The following ZNF785 variants were observed in gnomAD, a reference collection of about 807,000 sequenced individuals.
The protein encoded by ZNF785 is zinc finger protein 785.
ZNF785 carries 15 observed loss-of-function variants against 11.3 expected under a neutral mutation model. The observed-to-expected ratio is 1.32, with a 90% CI of 0.89 to 2.04. ZNF785 has a LOEUF of 2.04. Among genes scored for constraint, ZNF785 ranks in the 30% most tolerant of loss-of-function variants. The pLI, the probability that ZNF785 is intolerant of heterozygous loss-of-function variation, is 0.00. For synonymous variants in ZNF785, 221 were observed against 231.0 expected, an observed-to-expected ratio of 0.96 and a Z score of 0.39; for missense variants, 572 against 560.9, an observed-to-expected ratio of 1.02 and a Z score of -0.20.
Position 30,582,352 on chromosome 16 carries a change from G to T in ZNF785, c.*208C>A. ...GGGACGTGAACACGGGGCCCTGTGT[G>T]CTGGAGCTTCAGAAAATGGGGTCAA... On this transcript the variant is annotated 3_prime_UTR_variant, in exon 3 of 3. Coordinates refer to ENST00000395216, the MANE Select transcript of ZNF785 (RefSeq NM_152458.7). 1 of 661,652 alleles carries T rather than the reference G, an allele frequency of 1.5e-6. No homozygotes were observed. The highest frequency in any genetic ancestry group is 2.5e-6 in the Non-Finnish European group (1 of 396,060). 41.0% of individuals were successfully genotyped at this position (661,652 alleles called of 1,614,324 possible). A position where few individuals can be genotyped will look rare whatever the true frequency, so the allele number is the denominator to read the frequency against.
downstream of ZNF785, chr16:30,579,466 CAA>C (rs1164251629): frequency 1.5e-5 from 3 of 198,192 alleles, no homozygotes; most frequent in Admixed American, 1.1e-4. Context: ...CAGCTTACTG[CAA>C]CCTCTGTCTC....
In ZNF785 at chr16:30,583,008, G is replaced by T. The variant is rs1407515380; in HGVS notation, c.770C>A (p.Ala257Glu). The T allele has an allele frequency of 3.1e-6, 5 of 1,614,086 alleles. No individual in the cohort carries two copies. In the Middle Eastern group the frequency reaches 5.0e-4, roughly 160 times the overall value. The change falls in exon 3 of 3, where the codon GCG becomes GAG. Residue 257 changes from alanine (A) to glutamate (E), a missense_variant. Physicochemically the swap from Ala to Glu is moderately radical, Grantham distance 107. Coordinates refer to ENST00000395216, the MANE Select transcript of ZNF785 (RefSeq NM_152458.7). The part of the protein sequence containing the change: ...RRAHTGEKPY[A>E]CSDCKSRFTY... ...GAAGCGACTCTTGCAGTCTGAGCACGCGTAAGGCTTCTCCCCGGTGTGAGC... is the reference window on the plus strand; with the variant it reads ...GAAGCGACTCTTGCAGTCTGAGCACTCGTAAGGCTTCTCCCCGGTGTGAGC...
At position 30,583,085 on chromosome 16, in the gene ZNF785, G is replaced by C. The variant is rs1473121853; in HGVS notation, c.693C>G (p.Pro231=). 1 of 1,609,184 alleles carries C rather than the reference G, an allele frequency of 6.2e-7. No homozygotes were observed. Among genetic ancestry groups the C allele is most frequent in the Non-Finnish European group, 8.5e-7 (1 of 1,178,596 alleles). ...IHTGEKPYPC[P]DCGRRFRQRG... is the part of the protein sequence containing the mutation. ...TCTGGCGGAAGCGGCGCCCGCAGTC[G>C]GGGCAGGGGTAGGGCTTCTCGCCGG... is the stretch of plus-strand genomic sequence containing the variant. Residue 231 remains proline (P), a synonymous_variant, in exon 3 of 3, where the codon CCC becomes CCG. Coordinates refer to ENST00000395216, the MANE Select transcript of ZNF785 (RefSeq NM_152458.7).
chr16:30,579,304 G>A (rs917204895), downstream of ZNF785: 3 of 154,362 alleles, frequency 1.9e-5, no homozygotes, highest in African/African-American at 7.2e-5. Flanking sequence ...AGCCAGTGGG[G>A]ACTGAGCCAA....
In ZNF785 at chr16:30,585,393, G is replaced by A. The variant is rs1363202785; in HGVS notation, c.205+14C>T. 8.9e-6 allele frequency: 14 copies of A among 1,579,372 alleles called. No individual in the cohort carries two copies. In the African/African-American group the frequency reaches 1.7e-4, roughly 20 times the overall value. On this transcript the variant is annotated intron_variant, in intron 1 of 2. Coordinates refer to ENST00000395216, the MANE Select transcript of ZNF785 (RefSeq NM_152458.7). The surrounding 1 kb of genome is among the most constrained non-coding windows in gnomAD (Gnocchi z 4.0). The stretch of plus-strand genomic sequence containing the variant: ...CGACGGACTGGGGGTCCCGGCCGGA[G>A]GGCCCGGCCTCACCCAGCGCGCCCA...
At position 30,582,773 on chromosome 16, in the gene ZNF785, G is replaced by A. The variant is rs2051831683; in HGVS notation, c.1005C>T (p.Ser335=). The change falls in exon 3 of 3, where the codon TCC becomes TCT. Residue 335 remains serine, a synonymous_variant. Coordinates refer to ENST00000395216, the MANE Select transcript of ZNF785 (RefSeq NM_152458.7). ...CCACGCAGGGGAAGGGCCGGCTGTC[G>A]GAGTGAATGCGCCGGTGACTGAGGA... The part of the protein sequence containing the change: ...SLLLSHRRIH[S]DSRPFPCVEC... 1.2e-6 allele frequency: 2 copies of A among 1,607,242 alleles called. No individual in the cohort carries two copies. Among genetic ancestry groups the A allele is most frequent in the Non-Finnish European group, 1.7e-6 (2 of 1,175,440 alleles).
downstream of ZNF785, chr16:30,579,838 G>A (rs955462517): frequency 8.8e-6 from 4 of 455,846 alleles, no homozygotes; most frequent in African/African-American, 4.0e-5. Flanking sequence ...CAAAAGTAGG[G>A]CTAGCAGATC....
rs529868613 is a variant in ZNF785, at chr16:30,581,606, G to A, written c.*954C>T. 6.6e-6 allele frequency: 1 copy of A among 152,270 alleles called. No individual in the cohort carries two copies. Among genetic ancestry groups the A allele is most frequent in the South Asian group, 2.1e-4 (1 of 4,832 alleles). 9.4% of individuals were successfully genotyped at this position (152,270 alleles called of 1,614,324 possible). A position where few individuals can be genotyped will look rare whatever the true frequency, so the allele number is the denominator to read the frequency against. On this transcript the variant is annotated 3_prime_UTR_variant, in exon 3 of 3. Coordinates refer to ENST00000395216, the MANE Select transcript of ZNF785 (RefSeq NM_152458.7). ...AACACTGCAATCACTAATGCATACA[G>A]TGAAGAGTTGGCCCAGTTCCAGAGT...
chr16:30,582,167 G>A lies in ZNF785; in HGVS notation c.*393C>T, dbSNP rs572852053. ...GCCTGAGGTATCCCCTCTATTCTGG[G>A]GGGTCCAGAGTGGGTGCAGGCTCCT... On this transcript the variant is annotated 3_prime_UTR_variant, in exon 3 of 3. Coordinates refer to ENST00000395216, the MANE Select transcript of ZNF785 (RefSeq NM_152458.7). 3.5e-5 allele frequency: 7 copies of A among 198,098 alleles called. No individual in the cohort carries two copies. The allele number at this position is 198,098 out of a possible 1,614,324, so 12.3% of individuals were successfully genotyped here.
In ZNF785 at chr16:30,581,311, T is replaced by C. The variant is rs2051805621; in HGVS notation, c.*1249A>G. On this transcript the variant is annotated 3_prime_UTR_variant, in exon 3 of 3. Coordinates refer to ENST00000395216, the MANE Select transcript of ZNF785 (RefSeq NM_152458.7). ...CCGTCTCTACTAAAAATACAAAATA[T>C]TAGTTGGGCGTGGTGGCGGGTGCTT... 6.6e-6 allele frequency: 1 copy of C among 151,696 alleles called. No homozygotes were observed. Among genetic ancestry groups the C allele is most frequent in the Non-Finnish European group, 1.5e-5 (1 of 67,976 alleles). The allele number at this position is 151,696 out of a possible 1,614,324, so 9.4% of individuals were successfully genotyped here.
downstream of ZNF785, chr16:30,580,521 AT>A: frequency 6.6e-6 from 1 of 151,736 alleles, no homozygotes; most frequent in Non-Finnish European, 1.5e-5. Context: ...CTCCTGGCTA[AT>A]TTTTTTGTAT....
chr16:30,580,415 C>G (rs1392607379), downstream of ZNF785, among the ~76,000 whole-genome samples: 1 of 146,724 alleles, frequency 6.8e-6, no homozygotes, highest in African/African-American at 2.5e-5. Flanking sequence ...AGTGCAGTGG[C>G]GCAGTCTCGG....
At chr16:30,578,878 GCCATC>G (rs1221238340), downstream of ZNF785, 2 of 146,292 alleles carry the variant, frequency 1.4e-5, no homozygotes, top group African/African-American at 5.1e-5. Context: ...CTGAAGTGGC[GCCATC>G]ATAGCTCACT....
chr16:30,583,300 G>A lies in ZNF785; in HGVS notation c.478C>T (p.Pro160Ser). 6.2e-7 allele frequency: 1 copy of A among 1,614,010 alleles called. No homozygotes were observed. Among genetic ancestry groups the A allele is most frequent in the Non-Finnish European group, 8.5e-7 (1 of 1,179,906 alleles). The stretch of plus-strand genomic sequence containing the variant: ...CGGGTCAGAGTGTCCTTGAGCCAGG[G>A]ATTCATGGGGCTCTGCCTAGGGTTG... ...FCNPRQSPMN[P>S]WLKDTLTRRL... is the part of the protein sequence containing the mutation. Residue 160 changes from proline to serine, a missense_variant, in exon 3 of 3, where the codon CCC (proline) becomes TCC (serine). Transcript: ENST00000395216.
In ZNF785 at chr16:30,585,182, C is replaced by T. The variant is rs537260758; in HGVS notation, c.274G>A (p.Ala92Thr). ...EGEVEAWSPE[A>T]QDPDGESSAA... ...GAGCTCTCACCGTCGGGATCCTGGG[C>T]CTCCGGGCTCCACGCCTCCACTTCT... The change falls in exon 2 of 3, where the codon GCC (alanine) becomes ACC (threonine). Residue 92 changes from alanine to threonine, a missense_variant. Transcript: ENST00000395216. This position sits in a 1 kb window ranked among gnomAD's most constrained non-coding sequence, Gnocchi z 4.0. 6.2e-7 allele frequency: 1 copy of T among 1,614,144 alleles called. No homozygotes were observed. Among genetic ancestry groups the T allele is most frequent in the East Asian group, 2.2e-5 (1 of 44,884 alleles).
Position 30,585,139 on chromosome 16 carries a change from C to A in ZNF785, c.317G>T (p.Gly106Val), listed in dbSNP as rs371771701. Residue 106 changes from glycine to valine, a missense_variant, in exon 2 of 3, where the codon GGC (glycine) becomes GTC (valine). By Grantham distance (109) the Gly-to-Val change is moderately radical. Transcript: ENST00000395216. The surrounding 1 kb of genome is among the most constrained non-coding windows in gnomAD (Gnocchi z 4.0). Reference protein sequence around the residue: ...DGESSAAFSRGQGQEAGSRDG... With the variant: ...DGESSAAFSRVQGQEAGSRDG... ...TGAAGTACCTGCTTCCTGTCCTTGGCCCCTGCTGAAAGCTGCAGAGCTCTC... is the reference window on the plus strand; with the variant it reads ...TGAAGTACCTGCTTCCTGTCCTTGGACCCTGCTGAAAGCTGCAGAGCTCTC... 9.3e-6 allele frequency: 15 copies of A among 1,612,618 alleles called. No individual in the cohort carries two copies. Among genetic ancestry groups the A allele is most frequent in the South Asian group, 3.3e-5 (3 of 90,966 alleles).
At position 30,585,266 on chromosome 16, in the gene ZNF785, A is replaced by G; in HGVS notation, c.206-16T>C. 1.9e-6 allele frequency: 3 copies of G among 1,613,298 alleles called. No homozygotes were observed. Among genetic ancestry groups the G allele is most frequent in the Non-Finnish European group, 2.5e-6 (3 of 1,179,708 alleles). ...ACTGAAAATCCTGCGAAGGAGAAAC[A>G]ATGGGCTCGGCTGAGCGCACGGGAG... On this transcript the variant is annotated splice_polypyrimidine_tract_variant and intron_variant, in intron 1 of 2. Transcript: ENST00000395216. This position sits in a 1 kb window ranked among gnomAD's most constrained non-coding sequence, Gnocchi z 4.0.
In ZNF785 at chr16:30,583,424, C is replaced by T; in HGVS notation, c.354G>A (p.Glu118=). 1 of 1,552,944 alleles carries T rather than the reference C, an allele frequency of 6.4e-7. No individual in the cohort carries two copies. The highest frequency in any genetic ancestry group is 8.7e-7 in the Non-Finnish European group (1 of 1,148,394). The change falls in exon 3 of 3, where the codon GAG becomes GAA. Residue 118 remains glutamate (E), a synonymous_variant. Coordinates refer to ENST00000395216, the MANE Select transcript of ZNF785 (RefSeq NM_152458.7). ...GQEAGSRDGN[E]EKERLKKCPK... ...GACACTTCTTCAGCCTTTCCTTCTC[C>T]TCATTCCCATCCCTGGATCCTGAAA...
chr16:30,580,728 T>G lies in ZNF785; in HGVS notation c.*1832A>C, dbSNP rs1235315868. On this transcript the variant is annotated 3_prime_UTR_variant, in exon 3 of 3. Transcript: ENST00000395216. ...TATTGGCCAGGCTGGTCTTGAACTCTTGACCTTAAGTGATCCACCCTCCTC... is the reference window on the plus strand; with the variant it reads ...TATTGGCCAGGCTGGTCTTGAACTCGTGACCTTAAGTGATCCACCCTCCTC... 1.1e-4 allele frequency: 17 copies of G among 149,370 alleles called. No homozygotes were observed. The highest frequency in any genetic ancestry group is 4.5e-5 in the Non-Finnish European group (3 of 67,276). The allele number at this position is 149,370 out of a possible 1,614,324, so 9.3% of individuals were successfully genotyped here. A position where few individuals can be genotyped will look rare whatever the true frequency, so the allele number is the denominator to read the frequency against.
Sources: gnomAD v4.1 joint callset for allele counts (sites outside exome capture counted in the v4.1 genomes callset) on GRCh38, gnomAD v4.1.1 for gene constraint, Gnocchi (gnomAD v3.1) non-coding constraint, MANE v1.5 for transcripts, NCBI Gene and HGNC (gene_info 2026-07-23, HGNC 2026-07-21) for gene names.